Variants in MAST4 observed in about 807,000 individuals in gnomAD.
The protein encoded by MAST4 is microtubule associated serine/threonine kinase family member 4, also known as microtubule-associated serine/threonine-protein kinase 4.
MAST4 carries 89 observed loss-of-function variants against 162.7 expected under a neutral mutation model. The observed-to-expected ratio is 0.55, with a 90% CI of 0.46 to 0.65. MAST4 has a LOEUF of 0.65. Ranked by LOEUF, MAST4 falls within the 30% of genes least tolerant of loss-of-function variation. The pLI is 0.00. For synonymous variants in MAST4, 1,479 were observed against 1,361.1 expected, an observed-to-expected ratio of 1.09 and a Z score of -1.91; for missense variants, 3,153 against 3,374.0, an observed-to-expected ratio of 0.93 and a Z score of 1.62.
chr5:66,626,091 A>G (rs1284644909), intron 1 of MAST4, among the ~76,000 whole-genome samples: 2 of 152,192 alleles, frequency 1.3e-5, no homozygotes, highest in Non-Finnish European at 1.5e-5. Flanking sequence ...AAAATCTAAA[A>G]TGTATAGAAG....
Position 67,162,773 on chromosome 5 carries a change from C to G in MAST4, c.3952C>G (p.Pro1318Ala), listed in dbSNP as rs1218349050. The change falls in exon 28 of 29, where the codon CCT becomes GCT. Residue 1318 changes from proline to alanine, a missense_variant. Pro to Ala is a conservative substitution (Grantham distance 27). This residue lies in a region of MAST4 where 619 missense variants were observed against 744.2 expected (regional missense o/e 0.83). Coordinates refer to ENST00000403625, the MANE Select transcript of MAST4 (RefSeq NM_001164664.2). ...RSPTPSYRST[P>A]DFPSGTNSSQ... ...TCCAACACCAAGCTACCGCTCCACCCCTGACTTCCCATCTGGTGAGTGAGT... is the reference window on the plus strand; with the variant it reads ...TCCAACACCAAGCTACCGCTCCACCGCTGACTTCCCATCTGGTGAGTGAGT... The G allele has an allele frequency of 6.2e-7, 1 of 1,613,836 alleles. No homozygotes were observed. Among genetic ancestry groups the G allele is most frequent in the Non-Finnish European group, 8.5e-7 (1 of 1,179,838 alleles).
Position 66,734,167 on chromosome 5 carries a change from A to G in MAST4, c.364-25542A>G, listed in dbSNP as rs564837113. ...AAAAGTTGTTACTCTGTGACCTTGT[A>G]TGTATCTGCATATTTTGTAATTCTC... On this transcript the variant is annotated intron_variant, in intron 1 of 28. Transcript: ENST00000403625. Among the ~76,000 whole-genome samples, 36 of 152,290 alleles carry G rather than the reference A, an allele frequency of 2.4e-4. 1 individual carries two copies. The highest frequency in any genetic ancestry group is 8.7e-4 in the African/African-American group (36 of 41,554).
At position 67,152,722 on chromosome 5, in the gene MAST4, C is replaced by G. The variant is rs1334622111; in HGVS notation, c.3381C>G (p.Pro1127=). 1 of 1,613,960 alleles carries G rather than the reference C, an allele frequency of 6.2e-7. No individual in the cohort carries two copies. Among genetic ancestry groups the G allele is most frequent in the East Asian group, 2.2e-5 (1 of 44,902 alleles). ...SDPSSSRDSS[P]SRDSSAASAS... ...CTTCTTCTTCACGAGATTCCTCTCC[C>G]AGCCGAGATTCCTCAGCAGCTTCTG... The change falls in exon 25 of 29, where the codon CCC becomes CCG. Residue 1127 remains proline, a synonymous_variant. Transcript: ENST00000403625.
intron 4 of MAST4, among the ~76,000 whole-genome samples, chr5:66,981,056 A>C (rs1231013705): frequency 6.6e-6 from 1 of 152,184 alleles, no homozygotes; most frequent in Non-Finnish European, 1.5e-5. Context: ...AGCTCTGCAC[A>C]GTGGAGTATG....
Position 67,150,295 on chromosome 5 carries a change from A to T in MAST4, c.3295+706A>T, listed in dbSNP as rs1414796768. The stretch of plus-strand genomic sequence containing the variant: ...CCCTGATGGTTGTGATATCACTCAA[A>T]TGACAGCAAGAGAGTAGAATGGGAC... On this transcript the variant is annotated intron_variant, in intron 24 of 28. Transcript: ENST00000403625. Among the ~76,000 whole-genome samples the T allele has an allele frequency of 5.3e-5, 8 of 152,352 alleles. No homozygotes were observed. The East Asian group carries it at 1.5e-3, about 29-fold the overall frequency.
At chr5:67,144,101 G>A (rs1184593813) in intron 21 of MAST4, among the ~76,000 whole-genome samples, 1 of 152,118 alleles carries the variant, frequency 6.6e-6, no homozygotes, top group Non-Finnish European at 1.5e-5. Flanking sequence ...ATAGGAAACT[G>A]CCTGTCTATA....
At chr5:67,144,230 T>C (rs1346461143) in intron 21 of MAST4, among the ~76,000 whole-genome samples, 1 of 152,142 alleles carries the variant, frequency 6.6e-6, no homozygotes, top group Admixed American at 6.5e-5. Context: ...TTGCACTCAA[T>C]TCCAATTCAT....
chr5:66,987,321 T>C (rs75803081), intron 4 of MAST4, among the ~76,000 whole-genome samples: 1 of 152,234 alleles, frequency 6.6e-6, no homozygotes, highest in Non-Finnish European at 1.5e-5. Flanking sequence ...TAGAGTATGC[T>C]GATGAGTCAT....
chr5:67,092,381 T>C (rs999428743), intron 6 of MAST4, among the ~76,000 whole-genome samples: 4 of 152,226 alleles, frequency 2.6e-5, no homozygotes, highest in African/African-American at 9.6e-5. Context: ...GCTTTCTATA[T>C]TTTAAAATGC....
At chr5:66,758,485 T>C (rs914685367) in intron 1 of MAST4, among the ~76,000 whole-genome samples, 1 of 152,148 alleles carries the variant, frequency 6.6e-6, no homozygotes, top group Non-Finnish European at 1.5e-5. Context: ...GCTGCAGTCA[T>C]GGCTCACTGT....
chr5:66,611,725 C>T (rs1298142755), intron 1 of MAST4, among the ~76,000 whole-genome samples: 1 of 152,202 alleles, frequency 6.6e-6, no homozygotes, highest in African/African-American at 2.4e-5. Context: ...GCTTTGTACT[C>T]CTGAAAAACC....
intron 3 of MAST4, among the ~76,000 whole-genome samples, chr5:66,885,844 T>C (rs1762004338): frequency 6.6e-6 from 1 of 152,216 alleles, no homozygotes; most frequent in Non-Finnish European, 1.5e-5. Flanking sequence ...TACTTCCAAA[T>C]TGCAAAACCT....
At position 67,131,845 on chromosome 5, in the gene MAST4, G is replaced by A; in HGVS notation, c.1987G>A (p.Gly663Ser). 1 of 1,613,042 alleles carries A rather than the reference G, an allele frequency of 6.2e-7. No homozygotes were observed. The highest frequency in any genetic ancestry group is 1.7e-5 in the Admixed American group (1 of 59,950). ...CTGTGCTACTTTAATGAAAAACATG[G>A]GTCCTCTCCCTGTTGATATGGCCAG... ...GDCATLMKNM[G>S]PLPVDMARMY... Residue 663 changes from glycine (G) to serine (S), a missense_variant, in exon 16 of 29, where the codon GGT becomes AGT. Coordinates refer to ENST00000403625, the MANE Select transcript of MAST4 (RefSeq NM_001164664.2).
intron 1 of MAST4, among the ~76,000 whole-genome samples, chr5:66,692,515 A>T (rs1749115564): frequency 1.3e-5 from 2 of 151,868 alleles, no homozygotes; most frequent in Non-Finnish European, 2.9e-5. Flanking sequence ...GAGATGAACC[A>T]GGGCTATTCC....
intron 1 of MAST4, among the ~76,000 whole-genome samples, chr5:66,709,327 T>A (rs1750346584): frequency 1.3e-5 from 2 of 152,166 alleles, no homozygotes; most frequent in Admixed American, 1.3e-4. Flanking sequence ...CAAAATGAAT[T>A]TTTTTTGAGA....
rs1769006078 is a variant in MAST4 at position 67,131,816 on chromosome 5, G to A, written c.1958G>A (p.Gly653Glu). 6.2e-7 allele frequency: 1 copy of A among 1,612,760 alleles called. No homozygotes were observed. The highest frequency in any genetic ancestry group is 8.5e-7 in the Non-Finnish European group (1 of 1,179,112). ...LCMVMEYVEG[G>E]DCATLMKNMG... ...AACTCTTTTTCCTGTGTTACAGGGG[G>A]AGACTGTGCTACTTTAATGAAAAAC... is the stretch of plus-strand genomic sequence containing the variant. Residue 653 changes from glycine (G) to glutamate (E), a missense_variant, in exon 16 of 29, where the codon GGA becomes GAA. By Grantham distance (98) the Gly-to-Glu change is moderately conservative. Transcript: ENST00000403625.
chr5:66,695,150 G>T (rs183622425), intron 1 of MAST4, among the ~76,000 whole-genome samples: 13 of 152,036 alleles, frequency 8.6e-5, no homozygotes, highest in Admixed American at 5.9e-4. Flanking sequence ...TTATAGTTTT[G>T]CATTTTACAT....
rs116685968 is a variant in MAST4, at chr5:66,935,320, C to T, written c.674+35338C>T. On this transcript the variant is annotated intron_variant, in intron 4 of 28. Transcript: ENST00000403625. The stretch of plus-strand genomic sequence containing the variant: ...ATACTATGTGGTATGATGTTTTTAG[C>T]GTAGAAGGTGGTGTATTATCATTAG... Among the ~76,000 whole-genome samples the T allele has an allele frequency of 6.6e-5, 10 of 152,092 alleles. No individual in the cohort carries two copies. The East Asian group carries it at 9.6e-4, about 15-fold the overall frequency.
intron 1 of MAST4, among the ~76,000 whole-genome samples, chr5:66,695,183 G>A (rs1050492125): frequency 6.6e-6 from 1 of 152,084 alleles, no homozygotes; most frequent in African/African-American, 2.4e-5. Flanking sequence ...TCCATCTTGA[G>A]TTAATTGTCT....
Sources: allele counts gnomAD v4.1 joint callset (sites outside exome capture counted in the v4.1 genomes callset), GRCh38; gene constraint gnomAD v4.1.1; regional missense constraint gnomAD v4.1.1; transcripts MANE v1.5; gene names NCBI Gene and HGNC (gene_info 2026-07-23, HGNC 2026-07-21).